The following TMEM123 variants were observed in gnomAD, a reference collection of about 807,000 sequenced individuals.
TMEM123 encodes transmembrane protein 123, also known as porimin.
A neutral mutation model predicts 19.7 loss-of-function variants in TMEM123; 16 were observed. That is an observed-to-expected ratio of 0.81 (90% CI 0.55 to 1.23). TMEM123 has a LOEUF of 1.23. Ranked by LOEUF, TMEM123 falls within the 50% of genes most tolerant of loss-of-function variation. The pLI is 0.00. For missense variants in TMEM123, 313 were observed against 257.8 expected (o/e 1.21, Z -1.47); for synonymous variants, 118 against 99.4 (o/e 1.19, Z -1.12).
At chr11:102,433,589 G>A (rs1021974109) in intron 2 of TMEM123, among the ~76,000 whole-genome samples, 1 of 151,870 alleles carries the variant, frequency 6.6e-6, no homozygotes, top group Non-Finnish European at 1.5e-5. Context: ...ATGCTGGAAT[G>A]AGTTAAGACT....
chr11:102,441,603 A>C (rs948765680), intron 2 of TMEM123, among the ~76,000 whole-genome samples: 3 of 152,216 alleles, frequency 2.0e-5, no homozygotes, highest in African/African-American at 7.2e-5. Context: ...AAAGATCTAA[A>C]ATTGACACCC....
chr11:102,422,872 G>A (rs192949457), intron 2 of TMEM123, among the ~76,000 whole-genome samples: 99 of 152,120 alleles, frequency 6.5e-4, no homozygotes, highest in African/African-American at 2.1e-3. Context: ...CATGAGTCTG[G>A]CATCATGCAA....
At chr11:102,445,344 T>C (rs896682242) in intron 2 of TMEM123, among the ~76,000 whole-genome samples, 4 of 152,244 alleles carry the variant, frequency 2.6e-5, no homozygotes, top group Admixed American at 6.5e-5. Flanking sequence ...TCTCTCTGTG[T>C]ATCTATCACT....
chr11:102,437,212 C>T (rs1857772457), intron 2 of TMEM123, among the ~76,000 whole-genome samples: 1 of 152,134 alleles, frequency 6.6e-6, no homozygotes, highest in Non-Finnish European at 1.5e-5. Flanking sequence ...CCCACCATCC[C>T]ACAGGCAAAT....
chr11:102,435,879 G>A (rs1192867183), intron 2 of TMEM123, among the ~76,000 whole-genome samples: 1 of 151,782 alleles, frequency 6.6e-6, no homozygotes, highest in African/African-American at 2.4e-5. Context: ...ACAGCAGGTA[G>A]GATAAGGGGG....
chr11:102,452,670 TGGC>T lies in TMEM123; in HGVS notation c.-50_-48del, dbSNP rs781666248. 7.3e-7 allele frequency: 1 copy of T among 1,379,048 alleles called. No homozygotes were observed. The highest frequency in any genetic ancestry group is 1.5e-5 in the African/African-American group (1 of 67,424). 85.4% of individuals were successfully genotyped at this position (1,379,048 alleles called of 1,614,324 possible). A position where few individuals can be genotyped will look rare whatever the true frequency, so the allele number is the denominator to read the frequency against. ...CAGCCTCGTGGGCTCCCAGCCGAGG[TGGC>T]GGCGGCGAGAGCGGCTCCTCTGCGC... On this transcript the variant is annotated 5_prime_UTR_variant, in exon 1 of 5. Transcript: ENST00000398136.
intron 2 of TMEM123, 104 bp from the exon 3 acceptor site, chr11:102,402,310 A>G (rs529731733): frequency 6.7e-5 from 80 of 1,194,376 alleles, no homozygotes; most frequent in Admixed American, 5.0e-4. Context: ...GAGATCTTAC[A>G]AATACAGCAG....
rs773518443 is a variant in TMEM123, at chr11:102,398,824, G to C, written c.*43C>G. ...ATTAATAAACCAAAATTAATTGATA[G>C]GGCAGCATCAATCTGTATTCCATCC... On this transcript the variant is annotated 3_prime_UTR_variant, in exon 5 of 5. Transcript: ENST00000398136. The C allele has an allele frequency of 1.8e-5, 29 of 1,596,834 alleles. No homozygotes were observed. The highest frequency in any genetic ancestry group is 2.3e-5 in the Non-Finnish European group (27 of 1,171,604).
At chr11:102,408,531 C>CT (rs1951975358) in intron 2 of TMEM123, among the ~76,000 whole-genome samples, 1 of 152,234 alleles carries the variant, frequency 6.6e-6, no homozygotes, top group South Asian at 2.1e-4. Flanking sequence ...ACTACCCTTT[C>CT]TGGTCTATAA....
At chr11:102,423,096 G>A (rs1952099788) in intron 2 of TMEM123, among the ~76,000 whole-genome samples, 1 of 152,186 alleles carries the variant, frequency 6.6e-6, no homozygotes, top group South Asian at 2.1e-4. Context: ...CTGCAGCACT[G>A]TTTAGAAGAG....
At chr11:102,444,977 C>G (rs887978741) in intron 2 of TMEM123, among the ~76,000 whole-genome samples, 5 of 150,764 alleles carry the variant, frequency 3.3e-5, no homozygotes, top group African/African-American at 7.3e-5. Flanking sequence ...AAAGAGAACA[C>G]TTGGACACAG....
At chr11:102,416,980 A>G (rs960948643) in intron 2 of TMEM123, among the ~76,000 whole-genome samples, 1 of 152,226 alleles carries the variant, frequency 6.6e-6, no homozygotes, top group African/African-American at 2.4e-5. Context: ...TAGGTATTAA[A>G]GAAACATACC....
At chr11:102,451,865 GCCGCGCGCC>G (rs1857943208) in intron 1 of TMEM123, among the ~76,000 whole-genome samples, 1 of 152,240 alleles carries the variant, frequency 6.6e-6, no homozygotes, top group Non-Finnish European at 1.5e-5. Context: ...CTGCGCAGCT[GCCGCGCGCC>G]TCGGCCGGGT....
chr11:102,432,551 G>A (rs1045214247), intron 2 of TMEM123, among the ~76,000 whole-genome samples: 2 of 152,186 alleles, frequency 1.3e-5, no homozygotes, highest in Non-Finnish European at 1.5e-5. Flanking sequence ...GTAAGAGTTT[G>A]GAAAATATGT....
intron 2 of TMEM123, among the ~76,000 whole-genome samples, chr11:102,441,268 T>C (rs563682556): frequency 6.6e-5 from 10 of 152,310 alleles, no homozygotes; most frequent in South Asian, 2.1e-4. Context: ...ATCGCACTTA[T>C]TGAAAACTGA....
intron 4 of TMEM123, among the ~76,000 whole-genome samples, chr11:102,399,935 A>T (rs975537526): frequency 6.6e-5 from 10 of 151,174 alleles, no homozygotes; most frequent in Non-Finnish European, 1.5e-4. Context: ...GTGCCATTGC[A>T]CTCCAGCCTG....
At chr11:102,433,083 G>A (rs1199413455) in intron 2 of TMEM123, among the ~76,000 whole-genome samples, 1 of 152,000 alleles carries the variant, frequency 6.6e-6, no homozygotes, top group African/African-American at 2.4e-5. Context: ...AGGGAAATGT[G>A]GGGCTGGAGC....
At chr11:102,433,255 T>G (rs1422550022) in intron 2 of TMEM123, among the ~76,000 whole-genome samples, 2 of 151,986 alleles carry the variant, frequency 1.3e-5, no homozygotes, top group Admixed American at 6.6e-5. Flanking sequence ...GGAAGGGGGC[T>G]GTACTCTGCA....
intron 2 of TMEM123, among the ~76,000 whole-genome samples, chr11:102,424,765 T>G (rs997455967): frequency 6.6e-6 from 1 of 151,490 alleles, no homozygotes; most frequent in South Asian, 2.1e-4. Flanking sequence ...GAGTTCAAAT[T>G]TGATTTATAT....
Sources: gnomAD v4.1 joint callset for allele counts (sites outside exome capture counted in the v4.1 genomes callset) on GRCh38, gnomAD v4.1.1 for gene constraint, MANE v1.5 for transcripts, NCBI Gene and HGNC (gene_info 2026-07-23, HGNC 2026-07-21) for gene names.